The following DZANK1 variants were observed in gnomAD, a reference collection of about 807,000 sequenced individuals.
DZANK1 encodes double zinc ribbon and ankyrin repeat-containing protein 1.
Under a neutral mutation model 94.5 loss-of-function variants are expected in DZANK1, and 91 were observed. The ratio of observed to expected loss-of-function variants is 0.96; its 90% CI spans 0.81 to 1.15. DZANK1 has a LOEUF of 1.15. DZANK1 is among the 50% of genes most tolerant of loss of function. DZANK1 has a pLI of 0.00. For synonymous variants in DZANK1, 312 were observed against 325.3 expected, an observed-to-expected ratio of 0.96 and a Z score of 0.44; for missense variants, 903 against 916.4, an observed-to-expected ratio of 0.99 and a Z score of 0.19.
intron 7 of DZANK1, among the ~76,000 whole-genome samples, chr20:18,445,695 G>GTT (rs2058851782): frequency 1.3e-5 from 2 of 152,138 alleles, no homozygotes; most frequent in African/African-American, 4.8e-5. Flanking sequence ...GAGGCCAGGA[G>GTT]TTCAAGACCA....
At chr20:18,418,008 C>T (rs1356556970) in intron 10 of DZANK1, among the ~76,000 whole-genome samples, 3 of 151,970 alleles carry the variant, frequency 2.0e-5, no homozygotes, top group Admixed American at 6.6e-5. Context: ...ATCACTTGAA[C>T]CCAGGAGGCA....
intron 10 of DZANK1, among the ~76,000 whole-genome samples, chr20:18,419,071 G>C (rs867408627): frequency 1.3e-5 from 2 of 152,240 alleles, no homozygotes; most frequent in South Asian, 4.1e-4. Context: ...AAACCAGCCT[G>C]GCCAACATGG....
At chr20:18,446,972 T>C (rs1052817794) in intron 7 of DZANK1, among the ~76,000 whole-genome samples, 1 of 152,240 alleles carries the variant, frequency 6.6e-6, no homozygotes. Context: ...TTCAACATTA[T>C]ATAAAATAGA....
At chr20:18,424,116 T>C (rs2057918613) in intron 10 of DZANK1, among the ~76,000 whole-genome samples, 1 of 152,158 alleles carries the variant, frequency 6.6e-6, no homozygotes, top group Non-Finnish European at 1.5e-5. Context: ...AGATCCTACA[T>C]ACATTAAAAT....
chr20:18,460,127 A>G, intron 3 of DZANK1, 26 bp downstream of exon 3: 1 of 1,394,816 alleles, frequency 7.2e-7, no homozygotes, highest in Non-Finnish European at 9.6e-7. Context: ...TCATAAATTA[A>G]ATTAATCACC....
chr20:18,442,014 G>A (rs1462308345), intron 8 of DZANK1, among the ~76,000 whole-genome samples: 1 of 152,186 alleles, frequency 6.6e-6, no homozygotes, highest in Non-Finnish European at 1.5e-5. Flanking sequence ...TGAGTCGTGG[G>A]TCTAAGTAGG....
rs1292907020 is a variant in DZANK1 at position 18,393,694 on chromosome 20, CA to C, written c.1809+16del. ...GGCTGAAGACAACATCCACAAGGAC[CA>C]AAAAAAGACACTTACTATAAGCTGC... On this transcript the variant is annotated intron_variant, in intron 17 of 20. Coordinates refer to ENST00000262547, the Ensembl canonical transcript of DZANK1. 11 of 1,545,272 alleles carry C rather than the reference CA, an allele frequency of 7.1e-6. No homozygotes were observed. The highest frequency in any genetic ancestry group is 1.8e-5 in the Admixed American group (1 of 56,700).
At chr20:18,454,347 A>C (rs1451236887) in intron 4 of DZANK1, 2 of 238,648 alleles carry the variant, frequency 8.4e-6, no homozygotes, top group African/African-American at 2.3e-5. Flanking sequence ...CCTTGATCAC[A>C]CTTGAGTCCC....
chr20:18,391,543 T>A (rs1357980649), intron 17 of DZANK1, among the ~76,000 whole-genome samples: 1 of 152,198 alleles, frequency 6.6e-6, no homozygotes, highest in Non-Finnish European at 1.5e-5. Flanking sequence ...GAGTAACTTA[T>A]CTTTTTATAT....
At chr20:18,410,746 A>T (rs576685136) in intron 13 of DZANK1, among the ~76,000 whole-genome samples, 1 of 152,250 alleles carries the variant, frequency 6.6e-6, no homozygotes, top group East Asian at 1.9e-4. Context: ...CTAGAGTTTG[A>T]GACCGGCAAC....
intron 7 of DZANK1, among the ~76,000 whole-genome samples, chr20:18,448,696 G>A (rs879664357): frequency 3.3e-5 from 5 of 151,824 alleles, no homozygotes; most frequent in African/African-American, 9.7e-5. Flanking sequence ...GTAAAACCCC[G>A]TCTCTACTAA....
intron 17 of DZANK1, among the ~76,000 whole-genome samples, chr20:18,392,497 A>T (rs1188169805): frequency 6.6e-6 from 1 of 152,212 alleles, no homozygotes; most frequent in Non-Finnish European, 1.5e-5. Context: ...ACACGGCATC[A>T]TGCAAGTGTC....
At chr20:18,428,135 A>C (rs944489963) in intron 9 of DZANK1, among the ~76,000 whole-genome samples, 157 of 148,486 alleles carry the variant, frequency 1.1e-3, no homozygotes, top group African/African-American at 3.7e-3. Context: ...TGGGTGACAG[A>C]GCAAGACTCC....
intron 5 of DZANK1, 120 bp downstream of exon 5, chr20:18,453,611 C>T (rs1319199312): frequency 5.7e-6 from 4 of 696,410 alleles, no homozygotes; most frequent in South Asian, 1.8e-5. Context: ...GCATACTTTC[C>T]TGCCCCAGTG....
intron 13 of DZANK1, among the ~76,000 whole-genome samples, chr20:18,406,692 G>A (rs2056983543): frequency 6.6e-6 from 1 of 152,228 alleles, no homozygotes; most frequent in Non-Finnish European, 1.5e-5. Context: ...ACTTCATCTT[G>A]CACCCTAGGT....
At chr20:18,414,805 G>T (rs533845346) in intron 11 of DZANK1, among the ~76,000 whole-genome samples, 1 of 152,302 alleles carries the variant, frequency 6.6e-6, no homozygotes, top group Non-Finnish European at 1.5e-5. Flanking sequence ...TCACTGAAAA[G>T]AATGAGGAGG....
In DZANK1 at chr20:18,455,322, G is replaced by GT. The variant is rs749203900; in HGVS notation, c.302dup (p.His101GlnfsTer5). The GT allele has an allele frequency of 2.1e-5, 33 of 1,608,286 alleles. No homozygotes were observed. Among genetic ancestry groups the GT allele is most frequent in the Non-Finnish European group, 2.6e-5 (31 of 1,177,052 alleles). ...CTATATTTGGTGGTTCATAGTCTAC[G>GT]TGAAACACCTTTGTCACAATGCCAC... On this transcript the variant is annotated frameshift_variant, in exon 4 of 21. Coordinates refer to ENST00000262547, the Ensembl canonical transcript of DZANK1. LOFTEE classifies it high-confidence loss of function.
chr20:18,463,131 A>C (rs1472946040), intron 2 of DZANK1, among the ~76,000 whole-genome samples: 3 of 152,192 alleles, frequency 2.0e-5, no homozygotes, highest in African/African-American at 7.2e-5. Context: ...CAATGGTGAA[A>C]TGGACAAAGA....
At chr20:18,410,673 A>C (rs572704266) in intron 13 of DZANK1, among the ~76,000 whole-genome samples, 2 of 152,324 alleles carry the variant, frequency 1.3e-5, no homozygotes, top group East Asian at 1.9e-4. Context: ...GGTGCTGGAC[A>C]CAGGGGCTTA....
Sources: allele counts gnomAD v4.1 joint callset (sites outside exome capture counted in the v4.1 genomes callset), GRCh38; gene constraint gnomAD v4.1.1; transcripts MANE v1.5; gene names NCBI Gene and HGNC (gene_info 2026-07-23, HGNC 2026-07-21).